Variants in ACR observed in about 807,000 individuals in gnomAD.
ACR encodes acrosin, also known as acrosin light and heavy chain prepropeptide.
A neutral mutation model predicts 26.0 loss-of-function variants in ACR; 17 were observed. The ratio of observed to expected loss-of-function variants is 0.65; its 90% CI spans 0.45 to 0.98. ACR has a LOEUF of 0.98. Ranked by LOEUF, ACR falls within the 50% of genes least tolerant of loss-of-function variation. The pLI, the probability that ACR is intolerant of heterozygous loss-of-function variation, is 0.00. For synonymous variants in ACR, 199 were observed against 207.7 expected (o/e 0.96, Z 0.36); for missense variants, 435 against 519.3 (o/e 0.84, Z 1.58).
At chr22:50,740,248 A>C in intron 3 of ACR, 1 of 583,478 alleles carries the variant, frequency 1.7e-6, no homozygotes, top group Non-Finnish European at 3.1e-6. Context: ...TGTATTTGGC[A>C]CCTGGGGCCC....
chr22:50,744,643 T>C lies in ACR; in HGVS notation c.712-10T>C, dbSNP rs771921211. 6.2e-7 allele frequency: 1 copy of C among 1,610,878 alleles called. No homozygotes were observed. Among genetic ancestry groups the C allele is most frequent in the South Asian group, 1.1e-5 (1 of 90,654 alleles). ...CAGGCAGATAGTGACCTCTGTGTCC[T>C]TCTGGACAGGGAGACAGCGGCGGGC... is the stretch of plus-strand genomic sequence containing the variant. On this transcript the variant is annotated splice_polypyrimidine_tract_variant and intron_variant, in intron 4 of 4. Coordinates refer to ENST00000216139, the MANE Select transcript of ACR (RefSeq NM_001097.3).
chr22:50,742,407 G>A (rs1300374099), intron 3 of ACR, among the ~76,000 whole-genome samples: 2 of 151,852 alleles, frequency 1.3e-5, no homozygotes, highest in Admixed American at 6.6e-5. Context: ...AGCCGGGCAT[G>A]GTGGCGGGCG....
rs558973192 is a variant in ACR, at chr22:50,744,418, C to T, written c.711+212C>T. 9.3e-4 allele frequency: 601 copies of T among 644,014 alleles called. 2 individuals carry two copies. Among genetic ancestry groups the T allele is most frequent in the Admixed American group, 3.4e-3 (114 of 33,904 alleles). 39.9% of individuals were successfully genotyped at this position (644,014 alleles called of 1,614,324 possible). On this transcript the variant is annotated intron_variant, in intron 4 of 4. Coordinates refer to ENST00000216139, the MANE Select transcript of ACR (RefSeq NM_001097.3). ...CCACCGGCTGCCCCTGCCATGTGCCCCTGTGGACACGTGGGTTTGCTCATC... is the reference window on the plus strand; with the variant it reads ...CCACCGGCTGCCCCTGCCATGTGCCTCTGTGGACACGTGGGTTTGCTCATC...
In ACR at chr22:50,744,716, A is replaced by G. The variant is rs553493855; in HGVS notation, c.775A>G (p.Ile259Val). The G allele has an allele frequency of 1.2e-6, 2 of 1,613,262 alleles. No homozygotes were observed. The highest frequency in any genetic ancestry group is 4.5e-5 in the East Asian group (2 of 44,822). ...SKESAYVVVG[I>V]TSWGVGCARA... The stretch of plus-strand genomic sequence containing the variant: ...GGAAAGCGCCTATGTGGTCGTGGGA[A>G]TCACAAGCTGGGGGGTAGGCTGTGC... Residue 259 changes from isoleucine (I) to valine (V), a missense_variant, in exon 5 of 5, where the codon ATC (isoleucine) becomes GTC (valine). This residue lies in a region of ACR where 314 missense variants were observed against 372.0 expected (regional missense o/e 0.84). Transcript: ENST00000216139.
Position 50,738,240 on chromosome 22 carries a change from T to A in ACR, c.5T>A (p.Val2Asp). M[V>D]EMLPTAILLV... The stretch of plus-strand genomic sequence containing the variant: ...AGGCCAGGCAGTGCCAGGAGTATGG[T>A]TGAGATGCTACCAACTGCCATTCTG... The change falls in exon 1 of 5, where the codon GTT (valine) becomes GAT (aspartate). Residue 2 changes from valine (V) to aspartate (D), a missense_variant. Around this residue, in one of 3 missense-constraint regions of ACR, gnomAD observed 314 missense variants for 372.0 expected, o/e 0.84. Transcript: ENST00000216139. 2 of 1,613,898 alleles carry A rather than the reference T, an allele frequency of 1.2e-6. No individual in the cohort carries two copies. Among genetic ancestry groups the A allele is most frequent in the Non-Finnish European group, 1.7e-6 (2 of 1,179,880 alleles).
At chr22:50,742,950 G>T (rs1178612317) in intron 3 of ACR, among the ~76,000 whole-genome samples, 1 of 89,448 alleles carries the variant, frequency 1.1e-5, no homozygotes, top group African/African-American at 3.5e-5. Flanking sequence ...CTGTCTGTGG[G>T]ACCCCTTGAA....
At chr22:50,738,359 G>A (rs780842035) in intron 1 of ACR, 47 bp downstream of exon 1, 7 of 1,578,032 alleles carry the variant, frequency 4.4e-6, no homozygotes, top group East Asian at 2.3e-5. Context: ...CTGAGGAGCA[G>A]GTACCACCCC....
rs553853012 is a variant in ACR, at chr22:50,739,113, C to T, written c.78-158C>T. Among the ~76,000 whole-genome samples, 72 of 152,324 alleles carry T rather than the reference C, an allele frequency of 4.7e-4. 1 individual carries two copies. Among genetic ancestry groups the T allele is most frequent in the African/African-American group, 1.5e-3 (63 of 41,580 alleles). On this transcript the variant is annotated intron_variant, in intron 1 of 4. Coordinates refer to ENST00000216139, the MANE Select transcript of ACR (RefSeq NM_001097.3). This position sits in a 1 kb window ranked among gnomAD's most constrained non-coding sequence, Gnocchi z 5.5. ...CCCCAGAACCATTTCCTAGAGCCTG[C>T]GGCTTCCTACATAGCGCAGGCTGCC...
At position 50,744,897 on chromosome 22, in the gene ACR, C is replaced by G. The variant is rs752661510; in HGVS notation, c.956C>G (p.Pro319Arg). The change falls in exon 5 of 5, where the codon CCT becomes CGT. Residue 319 changes from proline to arginine, a missense_variant. By Grantham distance (103) the Pro-to-Arg change is moderately radical (BLOSUM62 -2). Around this residue, in one of 3 missense-constraint regions of ACR, gnomAD observed 92 missense variants for 87.8 expected, o/e 1.05. Transcript: ENST00000216139. ...PPPIRPPFSH[P>R]ISAHLPWYFQ... Reference sequence around the variant, plus strand: ...CCGATTCGACCCCCCTTCTCCCACCCTATCTCTGCTCACCTTCCTTGGTAT... The same window carrying G: ...CCGATTCGACCCCCCTTCTCCCACCGTATCTCTGCTCACCTTCCTTGGTAT... The G allele has an allele frequency of 3.1e-6, 5 of 1,595,108 alleles. No homozygotes were observed. In the Admixed American group the frequency reaches 5.1e-5, roughly 16 times the overall value.
rs202122603 is a variant in ACR, at chr22:50,739,885, T to C, written c.473T>C (p.Ile158Thr). 4.4e-5 allele frequency: 71 copies of C among 1,612,832 alleles called. No homozygotes were observed. Among genetic ancestry groups the C allele is most frequent in the East Asian group, 6.7e-5 (3 of 44,866 alleles). The change falls in exon 3 of 5, where the codon ATT becomes ACT. Residue 158 changes from isoleucine to threonine, a missense_variant. Ile to Thr is a moderately conservative substitution (Grantham distance 89). Transcript: ENST00000216139. The surrounding 1 kb of genome is among the most constrained non-coding windows in gnomAD (Gnocchi z 5.5). ...ITPPISCGRF[I>T]GPGCLPHFKA... ...CCTCCCATTTCGTGTGGGCGCTTCA[T>C]TGGGCCGGGCTGCCTGCCCCACTTT... is the stretch of plus-strand genomic sequence containing the variant.
intron 3 of ACR, among the ~76,000 whole-genome samples, chr22:50,743,327 G>A (rs527485150): frequency 1.1e-4 from 17 of 152,276 alleles, no homozygotes; most frequent in Admixed American, 4.6e-4. Context: ...GAGCCACCGC[G>A]CCCAGCCAAG....
rs759992075 is a variant in ACR at position 50,744,739 on chromosome 22, T to C, written c.798T>C (p.Cys266=). The C allele has an allele frequency of 3.1e-6, 5 of 1,612,836 alleles. No homozygotes were observed. The South Asian group carries it at 4.4e-5, about 14-fold the overall frequency. The change falls in exon 5 of 5, where the codon TGT becomes TGC. Residue 266 remains cysteine, a synonymous_variant. Transcript: ENST00000216139. The part of the protein sequence containing the change: ...VVGITSWGVG[C]ARAKRPGIYT... ...GAATCACAAGCTGGGGGGTAGGCTG[T>C]GCCCGTGCCAAGCGCCCCGGAATCT... is the stretch of plus-strand genomic sequence containing the variant.
chr22:50,742,642 C>G (rs2146855394), intron 3 of ACR, among the ~76,000 whole-genome samples: 1 of 151,924 alleles, frequency 6.6e-6, no homozygotes, highest in East Asian at 1.9e-4. Context: ...AGTGCATGTA[C>G]AAAACTCTCA....
chr22:50,741,627 T>C (rs2083425122), intron 3 of ACR, among the ~76,000 whole-genome samples: 1 of 152,042 alleles, frequency 6.6e-6, no homozygotes. Flanking sequence ...GGGGTTTTTT[T>C]GTTTTTCATT....
Position 50,744,066 on chromosome 22 carries a change from A to G in ACR, c.571A>G (p.Arg191Gly). 6.2e-7 allele frequency: 1 copy of G among 1,608,680 alleles called. No individual in the cohort carries two copies. The highest frequency in any genetic ancestry group is 8.5e-7 in the Non-Finnish European group (1 of 1,175,588). The change falls in exon 4 of 5, where the codon AGG becomes GGG. Residue 191 changes from arginine (R) to glycine (G), a missense_variant. Around this residue, in one of 3 missense-constraint regions of ACR, gnomAD observed 314 missense variants for 372.0 expected, o/e 0.84. Transcript: ENST00000216139. ...ACCGAGTGGTCTGACTATAGCCCCC[A>G]GGCCATCATCTATACTGATGGAGGC... ...GWGYIEEKAP[R>G]PSSILMEARV... is the part of the protein sequence containing the mutation.
At position 50,739,241 on chromosome 22, in the gene ACR, G is replaced by C. The variant is rs1241042832; in HGVS notation, c.78-30G>C. On this transcript the variant is annotated intron_variant, in intron 1 of 4. Coordinates refer to ENST00000216139, the MANE Select transcript of ACR (RefSeq NM_001097.3). This position sits in a 1 kb window ranked among gnomAD's most constrained non-coding sequence, Gnocchi z 5.5. The stretch of plus-strand genomic sequence containing the variant: ...ACAAGGACAGGCTGTGCTCATGCCA[G>C]GTTTGAACTGTGCTCTGGTCTCTCC... The C allele has an allele frequency of 6.5e-7, 1 of 1,544,264 alleles. No homozygotes were observed.
intron 3 of ACR, 106 bp downstream of exon 3, chr22:50,740,083 T>G (rs774854970): frequency 3.7e-5 from 52 of 1,418,616 alleles, no homozygotes; most frequent in Non-Finnish European, 4.4e-5. Flanking sequence ...GCTTTCATCC[T>G]CCTCACGGCG....
In ACR at chr22:50,744,669, C is replaced by T. The variant is rs766935029; in HGVS notation, c.728C>T (p.Pro243Leu). 7.4e-6 allele frequency: 12 copies of T among 1,611,550 alleles called. No individual in the cohort carries two copies. The highest frequency in any genetic ancestry group is 9.3e-6 in the Non-Finnish European group (11 of 1,178,838). Reference sequence around the variant, plus strand: ...TCTGGACAGGGAGACAGCGGCGGGCCTCTCATGTGCAAAGACAGCAAGGAA... The same window carrying T: ...TCTGGACAGGGAGACAGCGGCGGGCTTCTCATGTGCAAAGACAGCAAGGAA... ...IDTCQGDSGG[P>L]LMCKDSKESA... The change falls in exon 5 of 5, where the codon CCT becomes CTT. Residue 243 changes from proline to leucine, a missense_variant. Around this residue, in one of 3 missense-constraint regions of ACR, gnomAD observed 314 missense variants for 372.0 expected, o/e 0.84. Coordinates refer to ENST00000216139, the MANE Select transcript of ACR (RefSeq NM_001097.3).
Position 50,739,955 on chromosome 22 carries a change from C to T in ACR, c.543C>T (p.Gly181=), listed in dbSNP as rs1344953746. 6.2e-7 allele frequency: 1 copy of T among 1,613,768 alleles called. No homozygotes were observed. Among genetic ancestry groups the T allele is most frequent in the Admixed American group, 1.7e-5 (1 of 60,028 alleles). The change falls in exon 3 of 5, where the codon GGC becomes GGT. Residue 181 remains glycine (G), a synonymous_variant. Coordinates refer to ENST00000216139, the MANE Select transcript of ACR (RefSeq NM_001097.3). This position sits in a 1 kb window ranked among gnomAD's most constrained non-coding sequence, Gnocchi z 5.5. ...PRGSQSCWVA[G]WGYIEEKAPR... ...GCTCCCAGAGCTGCTGGGTGGCCGG[C>T]TGGGGATATATAGAAGAGAAAGGTG...
Sources: allele counts gnomAD v4.1 joint callset (sites outside exome capture counted in the v4.1 genomes callset), GRCh38; gene constraint gnomAD v4.1.1; regional missense constraint gnomAD v4.1.1; non-coding constraint Gnocchi (gnomAD v3.1); transcripts MANE v1.5; gene names NCBI Gene and HGNC (gene_info 2026-07-23, HGNC 2026-07-21).